Variants in MYO3B observed in about 807,000 individuals in gnomAD.
MYO3B encodes the protein myosin IIIB.
MYO3B carries 156 observed loss-of-function variants against 174.6 expected under a neutral mutation model. The ratio of observed to expected loss-of-function variants is 0.89; its 90% confidence interval spans 0.78 to 1.02. MYO3B has a LOEUF of 1.02. Ranked by LOEUF, MYO3B falls within the 50% of genes least tolerant of loss-of-function variation. MYO3B has a pLI of 0.00. For missense variants in MYO3B, 1,632 were observed against 1,639.4 expected (o/e 1.00, Z 0.08); for synonymous variants, 563 against 569.1 (o/e 0.99, Z 0.15).
At chr2:170,181,710 T>C in intron 1 of MYO3B, among the ~76,000 whole-genome samples, 1 of 152,196 alleles carries the variant, frequency 6.6e-6, no homozygotes, top group East Asian at 1.9e-4. Flanking sequence ...GGTTTTTCTT[T>C]TATGTTCTGT....
intron 22 of MYO3B, among the ~76,000 whole-genome samples, chr2:170,413,380 G>C (rs1008166463): frequency 3.9e-5 from 6 of 152,162 alleles, no homozygotes; most frequent in Non-Finnish European, 8.8e-5. Flanking sequence ...AAGGAGGAAA[G>C]ACCTCTTTGG....
At chr2:170,630,264 T>A (rs1241088079) in intron 32 of MYO3B, among the ~76,000 whole-genome samples, 1 of 152,182 alleles carries the variant, frequency 6.6e-6, no homozygotes, top group Admixed American at 6.5e-5. Context: ...ATCCTGCACT[T>A]GGCGCAGTGG....
At chr2:170,354,328 G>C (rs1335496680) in intron 8 of MYO3B, among the ~76,000 whole-genome samples, 1 of 152,174 alleles carries the variant, frequency 6.6e-6, no homozygotes, top group Non-Finnish European at 1.5e-5. Flanking sequence ...GTCTAGAGCA[G>C]AGATGGGTGG....
At chr2:170,370,904 T>A (rs1489179752) in intron 9 of MYO3B, among the ~76,000 whole-genome samples, 1 of 151,724 alleles carries the variant, frequency 6.6e-6, no homozygotes, top group East Asian at 1.9e-4. Flanking sequence ...CTCTCTCTTT[T>A]TTTTTCTTTT....
chr2:170,401,851 G>C (rs527464521), intron 18 of MYO3B, among the ~76,000 whole-genome samples, 160 bp downstream of exon 18: 1 of 141,590 alleles, frequency 7.1e-6, no homozygotes, highest in African/African-American at 2.6e-5. Flanking sequence ...TGCCCAGGCC[G>C]GAGTGCAGTG....
At chr2:170,627,625 C>T (rs1383764080) in intron 32 of MYO3B, among the ~76,000 whole-genome samples, 1 of 152,234 alleles carries the variant, frequency 6.6e-6, no homozygotes, top group Non-Finnish European at 1.5e-5. Flanking sequence ...AGGAGAGGCG[C>T]TCTGATTTTT....
At chr2:170,374,739 A>C (rs13029680) in intron 9 of MYO3B, among the ~76,000 whole-genome samples, 144,229 of 150,910 alleles carry the variant, frequency 0.96, 69,244 homozygotes, top group Non-Finnish European at 1. Context: ...CACTCTCTCT[A>C]TATATATATA....
chr2:170,490,189 C>G (rs767212096), intron 25 of MYO3B, among the ~76,000 whole-genome samples: 2 of 151,880 alleles, frequency 1.3e-5, no homozygotes, highest in African/African-American at 4.8e-5. Flanking sequence ...CTACCACGCC[C>G]GGCTAATTTT....
At chr2:170,612,711 G>A (rs771118039) in intron 32 of MYO3B, among the ~76,000 whole-genome samples, 6 of 152,154 alleles carry the variant, frequency 3.9e-5, no homozygotes, top group Admixed American at 3.9e-4. Flanking sequence ...GGATATTTGC[G>A]CTCATTTTAC....
At position 170,652,130 on chromosome 2, in the gene MYO3B, G is replaced by A. The variant is rs1217203858; in HGVS notation, c.3863G>A (p.Ser1288Asn). 6.2e-7 allele frequency: 1 copy of A among 1,614,048 alleles called. No individual in the cohort carries two copies. The highest frequency in any genetic ancestry group is 8.5e-7 in the Non-Finnish European group (1 of 1,179,966). ...QLNGTLEYQG[S>N]KRKPRKLGQI... ...CAGGGAACTCTAGAATATCAAGGGA[G>A]CAAGAGGAAGCCAAGAAAACTTGGG... The change falls in exon 34 of 35, where the codon AGC becomes AAC. Residue 1288 changes from serine to asparagine, a missense_variant. Transcript: ENST00000408978.
chr2:170,419,961 G>T (rs1323591347), intron 22 of MYO3B, among the ~76,000 whole-genome samples: 1 of 152,194 alleles, frequency 6.6e-6, no homozygotes, highest in Admixed American at 6.5e-5. Flanking sequence ...GAGACAGGTG[G>T]ATCACGAGGT....
rs115588844 is a variant in MYO3B at position 170,331,741 on chromosome 2, G to T, written c.750-3644G>T. 7.5e-3 allele frequency among the ~76,000 whole-genome samples: 1,141 copies of T among 152,276 alleles called. 16 individuals carry two copies. The highest frequency in any genetic ancestry group is 0.026 in the African/African-American group (1,065 of 41,548). On this transcript the variant is annotated intron_variant, in intron 7 of 34. Transcript: ENST00000408978. ...TAGCAGAATTCATTTCCTTGCATCT[G>T]TAGAATTGAGGATCTCATTTCTTTG... is the stretch of plus-strand genomic sequence containing the variant.
intron 32 of MYO3B, among the ~76,000 whole-genome samples, chr2:170,549,666 T>C (rs886608664): frequency 2.0e-5 from 3 of 152,220 alleles, no homozygotes; most frequent in Non-Finnish European, 2.9e-5. Context: ...ATCTCAACTT[T>C]CCTGTGACAG....
chr2:170,236,243 C>G, intron 7 of MYO3B, 107 bp downstream of exon 7: 2 of 1,336,784 alleles, frequency 1.5e-6, no homozygotes, highest in East Asian at 2.5e-5. Context: ...CTGACAAAGC[C>G]TGATTGTGAA....
At chr2:170,454,557 G>C (rs566122188) in intron 23 of MYO3B, among the ~76,000 whole-genome samples, 2 of 152,154 alleles carry the variant, frequency 1.3e-5, no homozygotes, top group Admixed American at 6.5e-5. Context: ...GACAGTGCCC[G>C]AGTCAGCCCC....
At chr2:170,279,382 T>C (rs2093488616) in intron 7 of MYO3B, among the ~76,000 whole-genome samples, 1 of 152,114 alleles carries the variant, frequency 6.6e-6, no homozygotes, top group African/African-American at 2.4e-5. Flanking sequence ...TCCCTGATAA[T>C]TAGTGATGTT....
intron 28 of MYO3B, among the ~76,000 whole-genome samples, chr2:170,506,525 T>C (rs1413410581): frequency 5.9e-5 from 9 of 152,214 alleles, no homozygotes; most frequent in Non-Finnish European, 2.9e-5. Flanking sequence ...TACTTTATGC[T>C]GGGGCTCCCA....
At chr2:170,441,649 T>G (rs770211166) in intron 22 of MYO3B, among the ~76,000 whole-genome samples, 5 of 152,220 alleles carry the variant, frequency 3.3e-5, no homozygotes, top group Non-Finnish European at 5.9e-5. Context: ...AAAAGGGTGG[T>G]CAATTCCTGG....
chr2:170,421,552 G>A (rs1356417960), intron 22 of MYO3B, among the ~76,000 whole-genome samples: 2 of 152,290 alleles, frequency 1.3e-5, no homozygotes, highest in East Asian at 3.9e-4. Context: ...TGACTGGACC[G>A]CATGTGAGGG....
Sources: allele counts gnomAD v4.1 joint callset (sites outside exome capture counted in the v4.1 genomes callset), GRCh38; gene constraint gnomAD v4.1.1; transcripts MANE v1.5; gene names NCBI Gene and HGNC (gene_info 2026-07-23, HGNC 2026-07-21).